NCAPD2: variants seen among roughly 807,000 people sequenced by gnomAD.
NCAPD2 encodes the protein non-SMC condensin I complex subunit D2.
A neutral mutation model predicts 164.5 loss-of-function variants in NCAPD2; 100 were observed. The ratio of observed to expected loss-of-function variants is 0.61; its 90% CI spans 0.52 to 0.72. NCAPD2 has a LOEUF of 0.72. Among genes scored for constraint, NCAPD2 ranks in the 30% least tolerant of loss-of-function variants. The pLI, the probability that NCAPD2 is intolerant of heterozygous loss-of-function variation, is 0.00. For synonymous variants in NCAPD2, 585 were observed against 642.6 expected (o/e 0.91, Z 1.36); for missense variants, 1,560 against 1,749.2 (o/e 0.89, Z 1.93).
intron 13 of NCAPD2, among the ~76,000 whole-genome samples, chr12:6,518,525 T>TTTTTTTTTTTTTTTTTTTTTTTTTG (rs1565544209): frequency 8.2e-6 from 1 of 122,014 alleles, no homozygotes; most frequent in African/African-American, 3.3e-5. Context: ...TTTTTTTTTT[T>TTTTTTTTTTTTTTTTTTTTTTTTTG]TTTTTTTTTG....
At chr12:6,516,703 G>GA (rs1455819941) in intron 9 of NCAPD2, 125 bp from the exon 10 acceptor site, 1 of 916,714 alleles carries the variant, frequency 1.1e-6, no homozygotes, top group East Asian at 2.6e-5. Context: ...TCCTCTTTGG[G>GA]ATTCAGCTTT....
At chr12:6,511,355 A>T in intron 6 of NCAPD2, 103 bp downstream of exon 6, 1 of 1,350,364 alleles carries the variant, frequency 7.4e-7, no homozygotes, top group Admixed American at 2.3e-5. Context: ...GTGGGGGGAC[A>T]GAGCTTCACT....
At position 6,510,954 on chromosome 12, in the gene NCAPD2, T is replaced by A; in HGVS notation, c.444+144T>A. On this transcript the variant is annotated intron_variant, in intron 5 of 31. Transcript: ENST00000315579. ...AAGAACTCAAAAGTGTCACACGTTT[T>A]CTTCCTGGACAAGTAGCGCTGTGGA... is the stretch of plus-strand genomic sequence containing the variant. 4.6e-6 allele frequency: 6 copies of A among 1,294,674 alleles called. No individual in the cohort carries two copies. The South Asian group carries it at 8.6e-5, about 19-fold the overall frequency. The allele number at this position is 1,294,674 out of a possible 1,614,324, so 80.2% of individuals were successfully genotyped here. A position where few individuals can be genotyped will look rare whatever the true frequency, so the allele number is the denominator to read the frequency against.
intron 3 of NCAPD2, 87 bp from the exon 4 acceptor site, chr12:6,509,988 T>G: frequency 6.9e-7 from 1 of 1,439,488 alleles, no homozygotes; most frequent in Non-Finnish European, 9.7e-7. Context: ...TTTTTAAACA[T>G]TCGATTCCAC....
In NCAPD2 at chr12:6,523,301, G is replaced by C; in HGVS notation, c.2169G>C (p.Leu723=). Residue 723 remains leucine, a synonymous_variant, in exon 17 of 32, where the codon CTG becomes CTC. Coordinates refer to ENST00000315579, the MANE Select transcript of NCAPD2 (RefSeq NM_014865.4). ...AQALIQNLSL[L]LVDASVGTIQ... is the part of the protein sequence containing the mutation. Reference sequence around the variant, plus strand: ...CTTTGATTCAGAATCTCTCTCTGCTGCTAGTGGATGCCTCGGTTGGGACCA... The same window carrying C: ...CTTTGATTCAGAATCTCTCTCTGCTCCTAGTGGATGCCTCGGTTGGGACCA... 6.2e-7 allele frequency: 1 copy of C among 1,614,112 alleles called. No individual in the cohort carries two copies. The highest frequency in any genetic ancestry group is 8.5e-7 in the Non-Finnish European group (1 of 1,180,030).
chr12:6,516,939 G>T lies in NCAPD2; in HGVS notation c.1099G>T (p.Asp367Tyr), dbSNP rs770015862. Residue 367 changes from aspartate (D) to tyrosine (Y), a missense_variant, in exon 10 of 32, where the codon GAT becomes TAT. Transcript: ENST00000315579. ...AARDTRDQFLDTLQAHGHDVN... is the reference protein window; with the variant it reads ...AARDTRDQFLYTLQAHGHDVN... ...CCGAGACACCAGAGACCAGTTCTTG[G>T]ATACTTTACAAGCCCATGGCCATGA... 5.1e-5 allele frequency: 83 copies of T among 1,614,000 alleles called. No individual in the cohort carries two copies. Among genetic ancestry groups the T allele is most frequent in the Non-Finnish European group, 6.9e-5 (82 of 1,180,020 alleles).
chr12:6,510,975 G>A (rs1463120159), intron 5 of NCAPD2, 135 bp from the exon 6 acceptor site: 1 of 1,282,938 alleles, frequency 7.8e-7, no homozygotes. Context: ...AAGTAGCGCT[G>A]TGGAACTTGT....
chr12:6,517,670 A>T lies in NCAPD2; in HGVS notation c.1395A>T (p.Arg465=). Residue 465 remains arginine, a synonymous_variant, in exon 12 of 32, where the codon CGA becomes CGT. Transcript: ENST00000315579. ...TACAAGAGATGAGGGCCCAGAGGCGAACTGCAGCAGCTTGTAAGTAGTTAC... is the reference window on the plus strand; with the variant it reads ...TACAAGAGATGAGGGCCCAGAGGCGTACTGCAGCAGCTTGTAAGTAGTTAC... ...QKLQEMRAQR[R]TAAASAVLDP... The T allele has an allele frequency of 6.2e-7, 1 of 1,614,262 alleles. No individual in the cohort carries two copies. Among genetic ancestry groups the T allele is most frequent in the South Asian group, 1.1e-5 (1 of 91,088 alleles).
intron 13 of NCAPD2, among the ~76,000 whole-genome samples, chr12:6,518,504 G>GTTTTTTTTTGTTTT (rs1946226721): frequency 2.2e-5 from 1 of 44,774 alleles, no homozygotes; most frequent in Non-Finnish European, 3.9e-5. Flanking sequence ...CCGTCAACAA[G>GTTTTTTTTTGTTTT]TTTTTTTTTT....
At position 6,529,032 on chromosome 12, in the gene NCAPD2, A is replaced by T. The variant is rs751341613; in HGVS notation, c.3565A>T (p.Ile1189Phe). 6.2e-7 allele frequency: 1 copy of T among 1,612,042 alleles called. No individual in the cohort carries two copies. Among genetic ancestry groups the T allele is most frequent in the East Asian group, 2.2e-5 (1 of 44,884 alleles). The change falls in exon 27 of 32, where the codon ATC (isoleucine) becomes TTC (phenylalanine). Residue 1189 changes from isoleucine (I) to phenylalanine (F), a missense_variant. Ile to Phe is a conservative substitution (Grantham distance 21). Transcript: ENST00000315579. ...LGVEEEPFHTIMKQLLSYITK... is the reference protein window; with the variant it reads ...LGVEEEPFHTFMKQLLSYITK... ...GGTGGAGGAAGAGCCTTTCCACACC[A>T]TCATGAAGTATTGCTCCCCGGGCCC...
intron 23 of NCAPD2, 26 bp downstream of exon 23, chr12:6,527,914 G>A (rs199649415): frequency 1.5e-5 from 25 of 1,614,062 alleles, no homozygotes; most frequent in Non-Finnish European, 2.0e-5. Context: ...GCACTCAGCA[G>A]TTTCTTCCCA....
At chr12:6,509,918 A>G (rs1592168898) in intron 3 of NCAPD2, 126 bp downstream of exon 3, 2 of 628,988 alleles carry the variant, frequency 3.2e-6, no homozygotes, top group South Asian at 2.3e-5. Flanking sequence ...TGATATCTCT[A>G]CTGATGAGCA....
intron 2 of NCAPD2, among the ~76,000 whole-genome samples, chr12:6,497,816 A>G (rs945767635): frequency 6.6e-6 from 1 of 151,646 alleles, no homozygotes; most frequent in Non-Finnish European, 1.5e-5. Context: ...ACAGGGTTTC[A>G]CCATGTTGGT....
intron 13 of NCAPD2, among the ~76,000 whole-genome samples, chr12:6,518,945 G>A (rs1458397453): frequency 6.6e-6 from 1 of 150,588 alleles, no homozygotes; most frequent in African/African-American, 2.4e-5. Context: ...GAGTGCAGTG[G>A]TGCGATCTTG....
intron 18 of NCAPD2, 86 bp from the exon 19 acceptor site, chr12:6,525,982 G>T: frequency 6.6e-7 from 1 of 1,526,572 alleles, no homozygotes. Context: ...ACCACATGAG[G>T]TGCTGGTACC....
At chr12:6,514,180 G>A (rs536839180) in intron 6 of NCAPD2, 85 bp from the exon 7 acceptor site, 8 of 1,564,558 alleles carry the variant, frequency 5.1e-6, no homozygotes, top group Non-Finnish European at 6.1e-6. Context: ...TTTGGGAGCA[G>A]TAGGGATAGA....
intron 2 of NCAPD2, among the ~76,000 whole-genome samples, chr12:6,503,228 A>G (rs2137038842): frequency 6.6e-6 from 1 of 150,742 alleles, no homozygotes; most frequent in African/African-American, 2.4e-5. Context: ...TATGTGATAC[A>G]AGCTCAACAA....
intron 2 of NCAPD2, among the ~76,000 whole-genome samples, chr12:6,504,214 T>TATATATATATATATATACAC (rs1565539606): frequency 1.4e-4 from 3 of 21,176 alleles, no homozygotes; most frequent in Non-Finnish European, 2.3e-4. Context: ...TATATATATA[T>TATATATATATATATATACAC]ATAGATATAG....
chr12:6,517,273 G>C, intron 10 of NCAPD2, 92 bp from the exon 11 acceptor site: 4 of 1,530,492 alleles, frequency 2.6e-6, no homozygotes, highest in Non-Finnish European at 3.5e-6. Flanking sequence ...AGAGTGAGTG[G>C]GTAGCTCAGT....
Sources: gnomAD v4.1 joint callset for allele counts (sites outside exome capture counted in the v4.1 genomes callset) on GRCh38, gnomAD v4.1.1 for gene constraint, MANE v1.5 for transcripts, NCBI Gene and HGNC (gene_info 2026-07-23, HGNC 2026-07-21) for gene names.